Variants in MTX2 observed in about 807,000 individuals in gnomAD.
MTX2 encodes the protein metaxin-2.
Under a neutral mutation model 42.3 loss-of-function variants are expected in MTX2, and 35 were observed. That is an observed-to-expected ratio of 0.83 (90% confidence interval 0.63 to 1.10). The LOEUF is 1.10. Among genes scored for constraint, MTX2 ranks in the 50% least tolerant of loss-of-function variants. The probability of loss-of-function intolerance (pLI) is 0.00; values close to 1 mark genes in which losing one functional copy is unlikely to be tolerated. For synonymous variants in MTX2, 119 were observed against 100.9 expected (o/e 1.18, Z -1.08); for missense variants, 307 against 304.1 (o/e 1.01, Z -0.07).
chr2:176,313,181 A>C (rs1684356744), intron 3 of MTX2, among the ~76,000 whole-genome samples: 1 of 151,916 alleles, frequency 6.6e-6, no homozygotes, highest in African/African-American at 2.4e-5. Context: ...ATAATACCTA[A>C]TATTTTTTGA....
chr2:176,283,754 C>T (rs1488542366), intron 1 of MTX2, among the ~76,000 whole-genome samples: 1 of 152,156 alleles, frequency 6.6e-6, no homozygotes, highest in African/African-American at 2.4e-5. Flanking sequence ...TGTTTTCTGT[C>T]TCTAGAGTTA....
At chr2:176,287,741 A>G (rs1279031662) in intron 1 of MTX2, among the ~76,000 whole-genome samples, 5 of 152,082 alleles carry the variant, frequency 3.3e-5, no homozygotes, top group African/African-American at 1.2e-4. Flanking sequence ...CTTCTTTTGT[A>G]TTTGTGTCTA....
At position 176,269,845 on chromosome 2, in the gene MTX2, G is replaced by C. The variant is rs140553400; in HGVS notation, c.40+176G>C. On this transcript the variant is annotated intron_variant, in intron 1 of 9. Coordinates refer to ENST00000249442, the MANE Select transcript of MTX2 (RefSeq NM_006554.5). ...TCACATATGGGAAAACTGAGAAGGA[G>C]ACACTTGGCCAAGGTCACCCCGCAG... 3.3e-3 allele frequency among the ~76,000 whole-genome samples: 495 copies of C among 152,282 alleles called. 3 individuals are homozygous for C. The highest frequency in any genetic ancestry group is 0.011 in the African/African-American group (458 of 41,568).
At chr2:176,277,849 T>C (rs7599292) in intron 1 of MTX2, among the ~76,000 whole-genome samples, 2,003 of 152,056 alleles carry the variant, frequency 0.013, 38 homozygotes, top group African/African-American at 0.046. Flanking sequence ...AAAAAACATA[T>C]TAGTCATATG....
intron 5 of MTX2, 109 bp downstream of exon 5, chr2:176,327,010 G>T: frequency 1.8e-6 from 1 of 563,164 alleles, no homozygotes; most frequent in Non-Finnish European, 3.0e-6. Flanking sequence ...AAATGCCAAT[G>T]CAAACTACTG....
intron 1 of MTX2, among the ~76,000 whole-genome samples, chr2:176,282,388 C>T (rs532471443): frequency 4.0e-5 from 6 of 151,860 alleles, no homozygotes; most frequent in Admixed American, 1.3e-4. Context: ...TTTAGTAAGC[C>T]TTTGCTGAAC....
In MTX2 at chr2:176,337,808, A is replaced by G. The variant is rs1685033548; in HGVS notation, c.*144A>G. On this transcript the variant is annotated 3_prime_UTR_variant, in exon 10 of 10. Transcript: ENST00000249442. ...ATAATGTATCTTATGTATGTGCTTT[A>G]TATTGTTATTTGTGTATACATTAAA... The G allele has an allele frequency of 1.9e-5, 12 of 641,576 alleles. No individual in the cohort carries two copies. The highest frequency in any genetic ancestry group is 5.8e-5 in the South Asian group (2 of 34,698). The allele number at this position is 641,576 out of a possible 1,614,324, so 39.7% of individuals were successfully genotyped here. A position where few individuals can be genotyped will look rare whatever the true frequency, so the allele number is the denominator to read the frequency against.
At chr2:176,309,914 A>C (rs1291453234) in intron 3 of MTX2, among the ~76,000 whole-genome samples, 1 of 152,052 alleles carries the variant, frequency 6.6e-6, no homozygotes, top group Non-Finnish European at 1.5e-5. Context: ...ATTTAAGGTT[A>C]ATATTGTTAT....
rs947692642 is a variant in MTX2 at position 176,269,481 on chromosome 2, T to C, written c.-149T>C. ...CTGGCGGTAACCTTGGGGGCCTCAC[T>C]GCAGCCGCCGCTGCTGTTGGAGTGG... On this transcript the variant is annotated 5_prime_UTR_variant, in exon 1 of 10. Coordinates refer to ENST00000249442, the MANE Select transcript of MTX2 (RefSeq NM_006554.5). 4.5e-6 allele frequency: 4 copies of C among 883,514 alleles called. No homozygotes were observed. Among genetic ancestry groups the C allele is most frequent in the Non-Finnish European group, 6.5e-6 (4 of 614,296 alleles). The allele number at this position is 883,514 out of a possible 1,614,324, so 54.7% of individuals were successfully genotyped here. A position where few individuals can be genotyped will look rare whatever the true frequency, so the allele number is the denominator to read the frequency against.
chr2:176,321,670 A>C (rs934528014), intron 3 of MTX2, among the ~76,000 whole-genome samples: 1 of 152,138 alleles, frequency 6.6e-6, no homozygotes, highest in African/African-American at 2.4e-5. Flanking sequence ...AACAGGGAGG[A>C]AAAAGAGGAG....
intron 3 of MTX2, among the ~76,000 whole-genome samples, chr2:176,321,145 G>C (rs548889766): frequency 6.6e-6 from 1 of 151,818 alleles, no homozygotes; most frequent in African/African-American, 2.4e-5. Flanking sequence ...CTTCTTCCTT[G>C]TTTTCAGATC....
rs183319219 is a variant in MTX2 at position 176,310,120 on chromosome 2, G to A, written c.135+12225G>A. Among the ~76,000 whole-genome samples the A allele has an allele frequency of 1.6e-4, 25 of 152,202 alleles. No homozygotes were observed. In the East Asian group the frequency reaches 4.6e-3, roughly 28 times the overall value. ...GGCCTGGTGGTGACAAACTCTCTCA[G>A]CATTTGCTTGTCTGTAAAGGATTTT... On this transcript the variant is annotated intron_variant, in intron 3 of 9. Transcript: ENST00000249442.
chr2:176,279,556 T>C (rs1693031962), intron 1 of MTX2, among the ~76,000 whole-genome samples: 1 of 152,140 alleles, frequency 6.6e-6, no homozygotes, highest in African/African-American at 2.4e-5. Flanking sequence ...TTATGAGAAA[T>C]ACCATAAAAA....
chr2:176,337,620 G>A lies in MTX2; in HGVS notation c.748G>A (p.Glu250Lys). The change falls in exon 10 of 10, where the codon GAA (glutamate) becomes AAA (lysine). Residue 250 changes from glutamate (E) to lysine (K), a missense_variant. Physicochemically the swap from Glu to Lys is moderately conservative, Grantham distance 56. Coordinates refer to ENST00000249442, the MANE Select transcript of MTX2 (RefSeq NM_006554.5). Reference protein sequence around the residue: ...SNLLAFCRRIEQHYFEDRGKG... With the variant: ...SNLLAFCRRIKQHYFEDRGKG... ...CCTCCTTGCTTTCTGTAGGAGAATT[G>A]AACAGCACTATTTTGAAGATCGTGG... 6.2e-7 allele frequency: 1 copy of A among 1,612,644 alleles called. No homozygotes were observed. The highest frequency in any genetic ancestry group is 8.5e-7 in the Non-Finnish European group (1 of 1,179,276).
At chr2:176,316,987 A>C (rs552698450) in intron 3 of MTX2, among the ~76,000 whole-genome samples, 58 of 151,570 alleles carry the variant, frequency 3.8e-4, no homozygotes, top group African/African-American at 1.4e-3. Context: ...GTATATTACA[A>C]CCAGTGGTTG....
intron 3 of MTX2, among the ~76,000 whole-genome samples, chr2:176,307,194 G>C (rs558647849): frequency 1.3e-4 from 20 of 152,070 alleles, no homozygotes; most frequent in South Asian, 1.0e-3. Context: ...TTTTTGTCAG[G>C]TTTGTCAAAG....
intron 9 of MTX2, among the ~76,000 whole-genome samples, chr2:176,334,456 A>G (rs1251414291): frequency 6.6e-6 from 1 of 151,814 alleles, no homozygotes. Flanking sequence ...TCAGCTCCCC[A>G]TTTATCCACT....
chr2:176,289,519 G>C (rs1485785571), intron 1 of MTX2, among the ~76,000 whole-genome samples: 1 of 152,038 alleles, frequency 6.6e-6, no homozygotes, highest in Non-Finnish European at 1.5e-5. Context: ...TATGCACTTA[G>C]TTATGAGGTG....
chr2:176,286,931 TTTGAG>T (rs1256778463), intron 1 of MTX2, among the ~76,000 whole-genome samples: 3 of 152,236 alleles, frequency 2.0e-5, no homozygotes, highest in Admixed American at 1.3e-4. Context: ...TGGAATATTA[TTTGAG>T]TTATTTGCCG....
Sources: gnomAD v4.1 joint callset for allele counts (sites outside exome capture counted in the v4.1 genomes callset) on GRCh38, gnomAD v4.1.1 for gene constraint, MANE v1.5 for transcripts, NCBI Gene and HGNC (gene_info 2026-07-23, HGNC 2026-07-21) for gene names.